The following CALCR variants were observed in gnomAD, a reference collection of about 807,000 sequenced individuals.
CALCR encodes calcitonin receptor.
In CALCR, 47 loss-of-function variants were observed where a neutral mutation model predicts 59.5. That is an observed-to-expected ratio of 0.79 (90% CI 0.63 to 1.01). The LOEUF (loss-of-function observed/expected upper bound fraction) is 1.01, where lower values mean the gene tolerates loss of function less well. Ranked by LOEUF, CALCR falls within the 50% of genes least tolerant of loss-of-function variation. The probability of loss-of-function intolerance (pLI) is 0.00; values close to 1 mark genes in which losing one functional copy is unlikely to be tolerated. For synonymous variants in CALCR, 213 were observed against 211.3 expected (o/e 1.01, Z -0.07); for missense variants, 566 against 597.1 (o/e 0.95, Z 0.54).
At chr7:93,544,386 C>T (rs1021608097) in intron 2 of CALCR, among the ~76,000 whole-genome samples, 5 of 152,060 alleles carry the variant, frequency 3.3e-5, no homozygotes, top group Admixed American at 3.3e-4. Context: ...CATCTCTCAT[C>T]ATTAGTAAAT....
At position 93,462,276 on chromosome 7, in the gene CALCR, C is replaced by T. The variant is rs60820376; in HGVS notation, c.522-1329G>A. Among the ~76,000 whole-genome samples, 9,369 of 151,946 alleles carry T rather than the reference C, an allele frequency of 0.062. 913 individuals carry two copies. The highest frequency in any genetic ancestry group is 0.21 in the African/African-American group (8,510 of 41,376). On this transcript the variant is annotated intron_variant, in intron 7 of 13. Transcript: ENST00000426151. ...CAGGTATAGGATGTAGAATTTACATCCATGAGGCAGGCTCTGATAAAGACA... is the reference window on the plus strand; with the variant it reads ...CAGGTATAGGATGTAGAATTTACATTCATGAGGCAGGCTCTGATAAAGACA...
At chr7:93,573,597 A>T (rs534418844) in intron 2 of CALCR, among the ~76,000 whole-genome samples, 1 of 152,300 alleles carries the variant, frequency 6.6e-6, no homozygotes, top group South Asian at 2.1e-4. Flanking sequence ...ACTAATCTCA[A>T]TTGTATTGTT....
intron 2 of CALCR, among the ~76,000 whole-genome samples, chr7:93,492,005 T>G (rs1801088880): frequency 6.6e-6 from 1 of 151,994 alleles, no homozygotes; most frequent in East Asian, 1.9e-4. Context: ...CCAACCCAAA[T>G]GCCCATCAAA....
chr7:93,547,004 A>G (rs900397509), intron 2 of CALCR, among the ~76,000 whole-genome samples: 1 of 152,144 alleles, frequency 6.6e-6, no homozygotes, highest in East Asian at 1.9e-4. Context: ...ATGTGAGTAT[A>G]TGAAGGGACA....
chr7:93,458,383 A>T (rs552754219), intron 8 of CALCR, among the ~76,000 whole-genome samples: 1 of 152,292 alleles, frequency 6.6e-6, no homozygotes, highest in South Asian at 2.1e-4. Context: ...AGATGTTTGC[A>T]TAACACAGTT....
At chr7:93,569,693 CA>C (rs1179234657) in intron 2 of CALCR, among the ~76,000 whole-genome samples, 1 of 151,962 alleles carries the variant, frequency 6.6e-6, no homozygotes, top group Non-Finnish European at 1.5e-5. Flanking sequence ...CTGACTAGGA[CA>C]TAATAGGCAC....
Position 93,574,485 on chromosome 7 carries a change from A to G in CALCR, c.-223T>C, listed in dbSNP as rs1790077145. ...GCCAGCCGCGCGGCGCAGCCCACCC[A>G]GACGCTGGTGGGCTGGCTTTCCTAG... On this transcript the variant is annotated 5_prime_UTR_variant, in exon 2 of 14. Transcript: ENST00000426151. The G allele has an allele frequency of 6.6e-6, 1 of 152,190 alleles. No individual in the cohort carries two copies. Among genetic ancestry groups the G allele is most frequent in the African/African-American group, 2.4e-5 (1 of 41,458 alleles). 9.4% of individuals were successfully genotyped at this position (152,190 alleles called of 1,614,324 possible).
At chr7:93,495,588 T>C (rs554718968) in intron 2 of CALCR, among the ~76,000 whole-genome samples, 3 of 151,534 alleles carry the variant, frequency 2.0e-5, no homozygotes, top group African/African-American at 7.2e-5. Flanking sequence ...TTATACCAGC[T>C]TCTTATCTAT....
chr7:93,483,827 G>A, intron 3 of CALCR: 1 of 334,588 alleles, frequency 3.0e-6, no homozygotes, highest in Non-Finnish European at 6.5e-6. Context: ...GAGATATTAA[G>A]GGCATATTGT....
chr7:93,538,158 A>G (rs1219917572), intron 2 of CALCR, among the ~76,000 whole-genome samples: 1 of 152,004 alleles, frequency 6.6e-6, no homozygotes, highest in Non-Finnish European at 1.5e-5. Context: ...TAAATATCAT[A>G]AAGTCTCTAT....
intron 8 of CALCR, among the ~76,000 whole-genome samples, chr7:93,444,572 C>A (rs548505558): frequency 6.6e-6 from 1 of 152,068 alleles, no homozygotes; most frequent in South Asian, 2.1e-4. Flanking sequence ...AGCAGTATAA[C>A]TAATTTCTAT....
At chr7:93,465,712 T>C (rs1800425796) in intron 7 of CALCR, among the ~76,000 whole-genome samples, 2 of 151,934 alleles carry the variant, frequency 1.3e-5, no homozygotes, top group Admixed American at 6.6e-5. Context: ...TGTACATTTA[T>C]ACATTAATTT....
At chr7:93,504,131 C>T (rs1177380561) in intron 2 of CALCR, among the ~76,000 whole-genome samples, 4 of 152,140 alleles carry the variant, frequency 2.6e-5, no homozygotes, top group African/African-American at 9.7e-5. Context: ...CCCATAAGTA[C>T]AGCTTCCAAC....
chr7:93,521,206 G>A (rs550194257), intron 2 of CALCR, among the ~76,000 whole-genome samples: 1 of 152,174 alleles, frequency 6.6e-6, no homozygotes, highest in Admixed American at 6.6e-5. Flanking sequence ...TGATTGATTT[G>A]TTGCCAGTAA....
At chr7:93,490,340 G>A (rs569983798) in intron 2 of CALCR, among the ~76,000 whole-genome samples, 2 of 151,704 alleles carry the variant, frequency 1.3e-5, no homozygotes, top group Non-Finnish European at 2.9e-5. Context: ...TTGAAAACCA[G>A]CATAGACAAG....
At chr7:93,512,663 T>C (rs1366032306) in intron 2 of CALCR, among the ~76,000 whole-genome samples, 1 of 152,162 alleles carries the variant, frequency 6.6e-6, no homozygotes, top group Non-Finnish European at 1.5e-5. Flanking sequence ...TTTGATGAAA[T>C]GAATTATTAT....
intron 3 of CALCR, among the ~76,000 whole-genome samples, chr7:93,485,611 T>C (rs1329444955): frequency 6.6e-6 from 1 of 151,616 alleles, no homozygotes; most frequent in Non-Finnish European, 1.5e-5. Flanking sequence ...CAATAATATA[T>C]AGCAATATTT....
chr7:93,492,961 G>T (rs919310057), intron 2 of CALCR, among the ~76,000 whole-genome samples: 2 of 151,250 alleles, frequency 1.3e-5, no homozygotes, highest in African/African-American at 4.8e-5. Flanking sequence ...TTTAGCTGGA[G>T]CATAAAGCCT....
chr7:93,528,712 C>G (rs550405587), intron 2 of CALCR, among the ~76,000 whole-genome samples: 60 of 152,174 alleles, frequency 3.9e-4, no homozygotes, highest in African/African-American at 1.4e-3. Context: ...ATCATGTAGC[C>G]TTTAAAGAAT....
Sources: allele counts gnomAD v4.1 joint callset (sites outside exome capture counted in the v4.1 genomes callset), GRCh38; gene constraint gnomAD v4.1.1; transcripts MANE v1.5; gene names NCBI Gene and HGNC (gene_info 2026-07-23, HGNC 2026-07-21).